The following EP400 variants were observed in gnomAD, a reference collection of about 807,000 sequenced individuals.
EP400 encodes the protein E1A binding protein p400.
EP400 carries 105 observed loss-of-function variants against 354.1 expected under a neutral mutation model. The observed-to-expected ratio is 0.30, with a 90% CI of 0.25 to 0.35. EP400 has a LOEUF of 0.35. EP400 is among the 10% of genes least tolerant of loss of function. The probability of loss-of-function intolerance (pLI) is 1.00; values close to 1 mark genes in which losing one functional copy is unlikely to be tolerated. For synonymous variants in EP400, 1,646 were observed against 1,716.9 expected, an observed-to-expected ratio of 0.96 and a Z score of 1.02; for missense variants, 3,280 against 4,121.0, an observed-to-expected ratio of 0.80 and a Z score of 5.59.
chr12:131,977,171 C>G (rs779276307), intron 2 of EP400, among the ~76,000 whole-genome samples: 1 of 152,168 alleles, frequency 6.6e-6, no homozygotes, highest in Admixed American at 6.5e-5. Context: ...GAGTCTCGCT[C>G]TTTCACCCAG....
At chr12:131,972,921 G>A (rs1273848143) in intron 2 of EP400, among the ~76,000 whole-genome samples, 3 of 151,676 alleles carry the variant, frequency 2.0e-5, no homozygotes, top group Non-Finnish European at 2.9e-5. Context: ...TAGTAGAGGC[G>A]GGATTTTACC....
At position 132,029,643 on chromosome 12, in the gene EP400, A is replaced by G. The variant is rs570456686; in HGVS notation, c.5382-58A>G. 3.7e-5 allele frequency: 58 copies of G among 1,564,428 alleles called. No homozygotes were observed. In the African/African-American group the frequency reaches 6.9e-4, roughly 19 times the overall value. Reference sequence around the variant, plus strand: ...TCTGCCCCATCTTTCAGGAGCCCCCATGCTGGGTGAAGGTGTGTGGCTCCT... The same window carrying G: ...TCTGCCCCATCTTTCAGGAGCCCCCGTGCTGGGTGAAGGTGTGTGGCTCCT... On this transcript the variant is annotated intron_variant, in intron 27 of 52. Coordinates refer to ENST00000389561, the MANE Select transcript of EP400 (RefSeq NM_015409.5). This position sits in a 1 kb window ranked among gnomAD's most constrained non-coding sequence, Gnocchi z 4.7.
chr12:132,026,897 GC>G (rs1226549696), intron 25 of EP400, among the ~76,000 whole-genome samples: 1 of 152,242 alleles, frequency 6.6e-6, no homozygotes, highest in Non-Finnish European at 1.5e-5. Flanking sequence ...CATGGCTTCT[GC>G]CTTCCTGATT....
rs371375568 is a variant in EP400, at chr12:132,048,353, G to A, written c.7201-1970G>A. ...ATAAAAGTATTAATTTGGGGAACTA[G>A]TAAATGTCCATGAAATATTCACAAT... On this transcript the variant is annotated intron_variant, in intron 39 of 52. Coordinates refer to ENST00000389561, the MANE Select transcript of EP400 (RefSeq NM_015409.5). Among the ~76,000 whole-genome samples, 1,082 of 152,250 alleles carry A rather than the reference G, an allele frequency of 7.1e-3. 33 individuals are homozygous for A. The South Asian group carries it at 0.093, about 13-fold the overall frequency.
At chr12:132,060,684 G>A (rs1261919664) in intron 45 of EP400, among the ~76,000 whole-genome samples, 10 of 152,272 alleles carry the variant, frequency 6.6e-5, no homozygotes, top group East Asian at 3.9e-4. Context: ...TTGGGAGGCC[G>A]AGGCGGGCAG....
rs61942455 is a variant in EP400, at chr12:131,963,787, G to T, written c.1335+1833G>T. 2.3e-5 allele frequency: 14 copies of T among 610,868 alleles called. No homozygotes were observed. The Admixed American group carries it at 4.4e-4, about 19-fold the overall frequency. The allele number at this position is 610,868 out of a possible 1,614,324, so 37.8% of individuals were successfully genotyped here. On this transcript the variant is annotated intron_variant, in intron 2 of 52. Coordinates refer to ENST00000389561, the MANE Select transcript of EP400 (RefSeq NM_015409.5). Reference sequence around the variant, plus strand: ...TTTCAACAGTAAAAAATCTTCCTGCGTATACAATTATAAAATTAAATTGCA... The same window carrying T: ...TTTCAACAGTAAAAAATCTTCCTGCTTATACAATTATAAAATTAAATTGCA...
In EP400 at chr12:132,006,092, C is replaced by A; in HGVS notation, c.2936-20C>A. On this transcript the variant is annotated intron_variant, in intron 13 of 52. Coordinates refer to ENST00000389561, the MANE Select transcript of EP400 (RefSeq NM_015409.5). Reference sequence around the variant, plus strand: ...AGCCTTCTCAGTGGCCCTCACTTCTCTGTTTTATTGTCGTTACAGATGCAG... The same window carrying A: ...AGCCTTCTCAGTGGCCCTCACTTCTATGTTTTATTGTCGTTACAGATGCAG... 1 of 1,598,528 alleles carries A rather than the reference C, an allele frequency of 6.3e-7. No individual in the cohort carries two copies. The highest frequency in any genetic ancestry group is 1.1e-5 in the South Asian group (1 of 89,658).
rs1449655399 is a variant in EP400, at chr12:132,045,451, A to T, written c.6917A>T (p.Lys2306Met). Reference protein sequence around the residue: ...GKEQKKNILLKQQVPFAKPLP... With the variant: ...GKEQKKNILLMQQVPFAKPLP... ...GAGCAGAAGAAGAATATTCTGCTGA[A>T]GCAGCAGGTGCCATTCGCCAAGCCC... The change falls in exon 38 of 53, where the codon AAG becomes ATG. Residue 2306 changes from lysine (K) to methionine (M), a missense_variant. Coordinates refer to ENST00000389561, the MANE Select transcript of EP400 (RefSeq NM_015409.5). 1 of 1,614,238 alleles carries T rather than the reference A, an allele frequency of 6.2e-7. No individual in the cohort carries two copies. Among genetic ancestry groups the T allele is most frequent in the African/African-American group, 1.3e-5 (1 of 75,068 alleles).
At position 132,075,691 on chromosome 12, in the gene EP400, G is replaced by A. The variant is rs1327694280; in HGVS notation, c.9022-825G>A. Reference sequence around the variant, plus strand: ...AACATTTATTTCGACCTTTGTTCATGTGTGAGTAAATCATGTAATTTCACA... The same window carrying A: ...AACATTTATTTCGACCTTTGTTCATATGTGAGTAAATCATGTAATTTCACA... On this transcript the variant is annotated intron_variant, in intron 51 of 52. Coordinates refer to ENST00000389561, the MANE Select transcript of EP400 (RefSeq NM_015409.5). The surrounding 1 kb of genome is among the most constrained non-coding windows in gnomAD (Gnocchi z 4.5). 2.0e-5 allele frequency: 3 copies of A among 152,262 alleles called. No individual in the cohort carries two copies. The highest frequency in any genetic ancestry group is 4.4e-5 in the Non-Finnish European group (3 of 68,070). The allele number at this position is 152,262 out of a possible 1,614,324, so 9.4% of individuals were successfully genotyped here. A position where few individuals can be genotyped will look rare whatever the true frequency, so the allele number is the denominator to read the frequency against.
At chr12:131,999,178 C>T (rs555238959) in intron 12 of EP400, among the ~76,000 whole-genome samples, 53 of 151,926 alleles carry the variant, frequency 3.5e-4, no homozygotes, top group Non-Finnish European at 6.6e-4. Context: ...CCCACGGCCT[C>T]GGTCAGGTTG....
In EP400 at chr12:131,999,937, A is replaced by T. The variant is rs535784048; in HGVS notation, c.2827+4981A>T. Among the ~76,000 whole-genome samples, 54 of 143,572 alleles carry T rather than the reference A, an allele frequency of 3.8e-4. No homozygotes were observed. In the Middle Eastern group the frequency reaches 0.011, roughly 29 times the overall value. The allele number at this position is 143,572 out of a possible 152,430, so 94.2% of individuals were successfully genotyped here. ...TTCTTTCTCCTAATACTGTGTATTT[A>T]TGCCTGTTTTCTTGATAGTCTTGTC... On this transcript the variant is annotated intron_variant, in intron 12 of 52. Transcript: ENST00000389561.
At chr12:132,005,795 G>C (rs1188494206) in intron 13 of EP400, among the ~76,000 whole-genome samples, 1 of 152,014 alleles carries the variant, frequency 6.6e-6, no homozygotes, top group East Asian at 1.9e-4. Flanking sequence ...TAAACCCTGA[G>C]ACACCTACAT....
Position 132,060,018 on chromosome 12 carries a change from G to A in EP400, c.7885-2092G>A, listed in dbSNP as rs558948381. On this transcript the variant is annotated intron_variant, in intron 45 of 52. Coordinates refer to ENST00000389561, the MANE Select transcript of EP400 (RefSeq NM_015409.5). The stretch of plus-strand genomic sequence containing the variant: ...AGCCTGGGTGACAGAGCGAGACTCC[G>A]TTAAAAAAAAAAAAAAGTTATGCTT... Among the ~76,000 whole-genome samples the A allele has an allele frequency of 8.7e-5, 13 of 148,828 alleles. No homozygotes were observed. The South Asian group carries it at 2.3e-3, about 27-fold the overall frequency.
Position 132,013,689 on chromosome 12 carries a change from T to C in EP400, c.3786+25T>C. 6.2e-7 allele frequency: 1 copy of C among 1,604,234 alleles called. No homozygotes were observed. The highest frequency in any genetic ancestry group is 8.5e-7 in the Non-Finnish European group (1 of 1,173,844). On this transcript the variant is annotated intron_variant, in intron 18 of 52. Coordinates refer to ENST00000389561, the MANE Select transcript of EP400 (RefSeq NM_015409.5). This position sits in a 1 kb window ranked among gnomAD's most constrained non-coding sequence, Gnocchi z 4.5. ...GGTAGGTTGGGTTCTGCCATTTCAGTTAATTAATTAAACATGCGTATGCCT... is the reference window on the plus strand; with the variant it reads ...GGTAGGTTGGGTTCTGCCATTTCAGCTAATTAATTAAACATGCGTATGCCT...
At chr12:131,962,491 A>T (rs1015966461) in intron 2 of EP400, among the ~76,000 whole-genome samples, 2 of 152,252 alleles carry the variant, frequency 1.3e-5, no homozygotes, top group Admixed American at 6.5e-5. Flanking sequence ...ATGTATGTAT[A>T]TGGGACCTTC....
At chr12:131,955,399 C>G (rs1050621110) in intron 1 of EP400, among the ~76,000 whole-genome samples, 2 of 151,958 alleles carry the variant, frequency 1.3e-5, no homozygotes, top group African/African-American at 4.8e-5. Context: ...TCTCTTGCCT[C>G]AGCCTCCCGA....
chr12:132,015,497 C>T (rs763665537), intron 19 of EP400, among the ~76,000 whole-genome samples: 8 of 152,226 alleles, frequency 5.3e-5, no homozygotes, highest in Non-Finnish European at 7.3e-5. Context: ...CCACGCCCTG[C>T]GTACAGAGAC....
At position 131,990,547 on chromosome 12, in the gene EP400, C is replaced by A; in HGVS notation, c.2551-89C>A. On this transcript the variant is annotated intron_variant, in intron 8 of 52. Transcript: ENST00000389561. The surrounding 1 kb of genome is among the most constrained non-coding windows in gnomAD (Gnocchi z 4.2). ...GGCTGGAAAACACTGTTTTCAGACT[C>A]TGCTTATGTGCTTTAGTGTTTTGTA... 4 of 981,052 alleles carry A rather than the reference C, an allele frequency of 4.1e-6. No homozygotes were observed. Among genetic ancestry groups the A allele is most frequent in the Non-Finnish European group, 6.2e-6 (4 of 648,174 alleles). 60.8% of individuals were successfully genotyped at this position (981,052 alleles called of 1,614,324 possible). A position where few individuals can be genotyped will look rare whatever the true frequency, so the allele number is the denominator to read the frequency against.
intron 45 of EP400, among the ~76,000 whole-genome samples, chr12:132,060,689 G>A (rs749492704): frequency 7.9e-5 from 12 of 152,122 alleles, no homozygotes; most frequent in African/African-American, 2.2e-4. Context: ...AGGCCGAGGC[G>A]GGCAGATCTG....
Sources: gnomAD v4.1 joint callset for allele counts (sites outside exome capture counted in the v4.1 genomes callset) on GRCh38, gnomAD v4.1.1 for gene constraint, Gnocchi (gnomAD v3.1) non-coding constraint, MANE v1.5 for transcripts, NCBI Gene and HGNC (gene_info 2026-07-23, HGNC 2026-07-21) for gene names.